Variants in TG observed in about 807,000 individuals in gnomAD.
TG encodes the protein thyroid hormones.
In TG, 270 loss-of-function variants were observed where a neutral mutation model predicts 324.7. That is an observed-to-expected ratio of 0.83 (90% confidence interval 0.75 to 0.92). The LOEUF (loss-of-function observed/expected upper bound fraction) is 0.92, where lower values mean the gene tolerates loss of function less well. TG is among the 40% of genes least tolerant of loss of function. TG has a pLI of 0.00. For missense variants in TG, 3,591 were observed against 3,456.4 expected, an observed-to-expected ratio of 1.04 and a Z score of -0.98; for synonymous variants, 1,401 against 1,327.0, an observed-to-expected ratio of 1.06 and a Z score of -1.21.
chr8:132,874,167 A>G lies in TG; in HGVS notation c.638+946A>G, dbSNP rs144704554. Among the ~76,000 whole-genome samples, 1,197 of 152,290 alleles carry G rather than the reference A, an allele frequency of 7.9e-3. 2 individuals carry two copies. The highest frequency in any genetic ancestry group is 0.014 in the Non-Finnish European group (923 of 68,018). On this transcript the variant is annotated intron_variant, in intron 5 of 47. Coordinates refer to ENST00000220616, the MANE Select transcript of TG (RefSeq NM_003235.5). ...AGCCTAGGTGACAGAGTGAGACTCC[A>G]TCTCAAAAGAAAAATAAAATAAAAA...
chr8:132,921,044 C>T (rs1379870918), intron 21 of TG, among the ~76,000 whole-genome samples: 2 of 152,138 alleles, frequency 1.3e-5, no homozygotes, highest in Admixed American at 1.3e-4. Flanking sequence ...TTGCTTAGTA[C>T]CTACACAGAG....
At chr8:132,957,727 G>A (rs893729279) in intron 27 of TG, among the ~76,000 whole-genome samples, 2 of 100,008 alleles carry the variant, frequency 2.0e-5, no homozygotes, top group African/African-American at 3.7e-5. Context: ...ATTCCCCAGT[G>A]ATTTCATGGT....
At position 132,992,205 on chromosome 8, in the gene TG, A is replaced by G. The variant is rs1039847536; in HGVS notation, c.6262+8793A>G. On this transcript the variant is annotated intron_variant, in intron 35 of 47. Coordinates refer to ENST00000220616, the MANE Select transcript of TG (RefSeq NM_003235.5). ...TGTAAATGAGCAACATGAGTGTGTC[A>G]GAGGATGCACCATAGGCTCCCTCTT... Among the ~76,000 whole-genome samples the G allele has an allele frequency of 7.2e-5, 11 of 152,308 alleles. No individual in the cohort carries two copies. In the East Asian group the frequency reaches 2.1e-3, roughly 29 times the overall value.
intron 35 of TG, among the ~76,000 whole-genome samples, chr8:132,998,094 G>A (rs1833052816): frequency 6.6e-6 from 1 of 152,174 alleles, no homozygotes; most frequent in Admixed American, 6.5e-5. Flanking sequence ...AAGGGGTGAG[G>A]AAGAATGAGC....
intron 41 of TG, among the ~76,000 whole-genome samples, chr8:133,077,149 C>T (rs2131492780): frequency 6.6e-6 from 1 of 152,132 alleles, no homozygotes; most frequent in East Asian, 1.9e-4. Flanking sequence ...TGGGACAAGC[C>T]AGGGCATGAG....
At chr8:132,965,085 A>G (rs1417184694) in intron 29 of TG, among the ~76,000 whole-genome samples, 2 of 152,154 alleles carry the variant, frequency 1.3e-5, no homozygotes, top group African/African-American at 4.8e-5. Context: ...ACTTTGTGCC[A>G]GGCATGGTTC....
chr8:132,983,852 T>C (rs1831203220), intron 35 of TG: 2 of 270,054 alleles, frequency 7.4e-6, no homozygotes, highest in Admixed American at 1.0e-4. Context: ...GGCAGCACTG[T>C]GACATCTAAT....
intron 21 of TG, among the ~76,000 whole-genome samples, chr8:132,920,325 G>T (rs1820933713): frequency 6.6e-6 from 1 of 152,184 alleles, no homozygotes; most frequent in African/African-American, 2.4e-5. Context: ...GAAGGAAACT[G>T]TTGTGCTTAC....
chr8:132,871,411 A>G lies in TG; in HGVS notation c.338A>G (p.Asp113Gly), dbSNP rs2132046068. ...ILLSGYINSTDTSYLPQCQDS... is the reference protein window; with the variant it reads ...ILLSGYINSTGTSYLPQCQDS... ...CTGAGTGGCTACATTAACAGCACAG[A>G]CACCTCCTACCTCCCTCAGTGTCAG... The change falls in exon 4 of 48, where the codon GAC becomes GGC. Residue 113 changes from aspartate to glycine, a missense_variant. By Grantham distance (94) the Asp-to-Gly change is moderately conservative (BLOSUM62 -1). Transcript: ENST00000220616. 1 of 1,614,126 alleles carries G rather than the reference A, an allele frequency of 6.2e-7. No individual in the cohort carries two copies. Among genetic ancestry groups the G allele is most frequent in the East Asian group, 2.2e-5 (1 of 44,878 alleles).
At position 132,881,856 on chromosome 8, in the gene TG, C is replaced by G; in HGVS notation, c.639-7C>G. ...GAATGGTGACCGTAAATCTCATTCT[C>G]TCCAAGGTTTCCAGATGCATTTGTG... On this transcript the variant is annotated splice_region_variant and splice_polypyrimidine_tract_variant and intron_variant, in intron 5 of 47. Transcript: ENST00000220616. The G allele has an allele frequency of 6.2e-7, 1 of 1,600,462 alleles. No individual in the cohort carries two copies. Among genetic ancestry groups the G allele is most frequent in the Non-Finnish European group, 8.6e-7 (1 of 1,167,472 alleles).
chr8:132,985,565 C>A (rs999733447), intron 35 of TG, among the ~76,000 whole-genome samples: 3 of 152,166 alleles, frequency 2.0e-5, no homozygotes, highest in Non-Finnish European at 4.4e-5. Context: ...AAGAGTAAAT[C>A]ATTATTATGG....
chr8:132,973,838 T>G (rs1428020424), intron 34 of TG, among the ~76,000 whole-genome samples: 7 of 152,284 alleles, frequency 4.6e-5, no homozygotes, highest in African/African-American at 1.7e-4. Context: ...TATTTCCAAC[T>G]TCTCCCACTA....
At position 132,869,787 on chromosome 8, in the gene TG, G is replaced by A. The variant is rs146942828; in HGVS notation, c.235G>A (p.Glu79Lys). The change falls in exon 3 of 48, where the codon GAA (glutamate) becomes AAA (lysine). Residue 79 changes from glutamate (E) to lysine (K), a missense_variant. By Grantham distance (56) the Glu-to-Lys change is moderately conservative (BLOSUM62 1). Transcript: ENST00000220616. ...SCWCVGANGSEVLGSRQPGRP... is the reference protein window; with the variant it reads ...SCWCVGANGSKVLGSRQPGRP... Reference sequence around the variant, plus strand: ...CTGGTGTGTGGGTGCCAACGGCAGTGAAGTGCTGGGCAGCAGGCAGCCAGG... The same window carrying A: ...CTGGTGTGTGGGTGCCAACGGCAGTAAAGTGCTGGGCAGCAGGCAGCCAGG... 7.0e-5 allele frequency: 113 copies of A among 1,614,154 alleles called. No individual in the cohort carries two copies. The African/African-American group carries it at 1.3e-3, about 19-fold the overall frequency.
chr8:133,113,745 C>G, intron 44 of TG, 142 bp downstream of exon 44: 1 of 987,668 alleles, frequency 1.0e-6, no homozygotes, highest in South Asian at 1.6e-5. Context: ...CAGCCTACAG[C>G]ATGGGGAGTG....
chr8:133,134,568 C>G (rs1564226559), intron 47 of TG, 108 bp from the exon 48 acceptor site: 1 of 1,038,518 alleles, frequency 9.6e-7, no homozygotes, highest in Non-Finnish European at 1.5e-6. Context: ...AGGGCATTAG[C>G]AAGAAATGTC....
intron 41 of TG, among the ~76,000 whole-genome samples, chr8:133,051,857 G>T (rs1840472082): frequency 2.0e-5 from 3 of 152,146 alleles, no homozygotes; most frequent in South Asian, 2.1e-4. Flanking sequence ...CCACCTGCTG[G>T]CTGGGACTTT....
intron 41 of TG, among the ~76,000 whole-genome samples, chr8:133,075,750 T>A (rs1366129463): frequency 1.3e-5 from 2 of 152,098 alleles, no homozygotes; most frequent in East Asian, 3.9e-4. Context: ...ACCACAATCA[T>A]TGTGGCACCA....
At chr8:133,044,170 G>A (rs1483131402) in intron 41 of TG, among the ~76,000 whole-genome samples, 1 of 152,154 alleles carries the variant, frequency 6.6e-6, no homozygotes, top group East Asian at 1.9e-4. Flanking sequence ...GTGGGTTTTT[G>A]GAAATGTAGC....
At chr8:132,997,551 A>C (rs777786591) in intron 35 of TG, among the ~76,000 whole-genome samples, 15 of 152,162 alleles carry the variant, frequency 9.9e-5, no homozygotes, top group Admixed American at 3.9e-4. Flanking sequence ...CAGGGGAGGC[A>C]CACTGGTGGC....
Sources: gnomAD v4.1 joint callset for allele counts (sites outside exome capture counted in the v4.1 genomes callset) on GRCh38, gnomAD v4.1.1 for gene constraint, MANE v1.5 for transcripts, NCBI Gene and HGNC (gene_info 2026-07-23, HGNC 2026-07-21) for gene names.